Variants in SPTAN1 observed in about 807,000 individuals in gnomAD.
SPTAN1 encodes the protein spectrin alpha chain, non-erythrocytic 1.
Under a neutral mutation model 331.3 loss-of-function variants are expected in SPTAN1, and 61 were observed. The ratio of observed to expected loss-of-function variants is 0.18; its 90% CI spans 0.15 to 0.23. The LOEUF (loss-of-function observed/expected upper bound fraction) is 0.23. Ranked by LOEUF, SPTAN1 falls within the 10% of genes least tolerant of loss-of-function variation. The pLI is 1.00. For missense variants in SPTAN1, 2,043 were observed against 3,147.9 expected, an observed-to-expected ratio of 0.65 and a Z score of 8.40; for synonymous variants, 1,153 against 1,173.9, an observed-to-expected ratio of 0.98 and a Z score of 0.36.
At chr9:128,624,809 G>GCC in intron 46 of SPTAN1, 1 of 566,340 alleles carries the variant, frequency 1.8e-6, no homozygotes, top group Non-Finnish European at 3.2e-6. Flanking sequence ...GGTCAGGGGC[G>GCC]CCACCCAGCT....
Position 128,627,180 on chromosome 9 carries a change from G to A in SPTAN1, c.6577-206G>A, listed in dbSNP as rs755764317. 65 of 638,184 alleles carry A rather than the reference G, an allele frequency of 1.0e-4. No homozygotes were observed. Among genetic ancestry groups the A allele is most frequent in the South Asian group, 5.0e-4 (31 of 61,772 alleles). The allele number at this position is 638,184 out of a possible 1,614,324, so 39.5% of individuals were successfully genotyped here. ...TGACCAGTCGCTTCCCTCCAGGTCC[G>A]CCTCTTCCTTGAAGCCCCTGGGGGG... is the stretch of plus-strand genomic sequence containing the variant. On this transcript the variant is annotated intron_variant, in intron 49 of 56. Transcript: ENST00000372739. This position sits in a 1 kb window ranked among gnomAD's most constrained non-coding sequence, Gnocchi z 4.9.
At position 128,584,382 on chromosome 9, in the gene SPTAN1, G is replaced by A. The variant is rs1163379622; in HGVS notation, c.2294G>A (p.Arg765His). Residue 765 changes from arginine (R) to histidine (H), a missense_variant, in exon 17 of 57, where the codon CGC (arginine) becomes CAC (histidine). By Grantham distance (29) the Arg-to-His change is conservative. Transcript: ENST00000372739. ...AAGAAACAGGAAGCCCTCGTGGCTC[G>A]CTATGAGGCACTCAAGGAGCCCATG... ...IKKKQEALVA[R>H]YEALKEPMVA... 10 of 1,614,010 alleles carry A rather than the reference G, an allele frequency of 6.2e-6. No homozygotes were observed. Among genetic ancestry groups the A allele is most frequent in the Non-Finnish European group, 6.8e-6 (8 of 1,180,044 alleles).
chr9:128,627,823 T>TTTG lies in SPTAN1; in HGVS notation c.6690-99_6690-97dup. ...TGCGTTGGGTACTGATGTTCTTGCT[T>TTTG]TTGTTTTCCTTTCTTTCTTGTGTCT... On this transcript the variant is annotated intron_variant, in intron 50 of 56. Coordinates refer to ENST00000372739, the MANE Select transcript of SPTAN1 (RefSeq NM_001130438.3). This position sits in a 1 kb window ranked among gnomAD's most constrained non-coding sequence, Gnocchi z 4.9. 1.4e-6 allele frequency: 2 copies of TTTG among 1,452,788 alleles called. No individual in the cohort carries two copies. Among genetic ancestry groups the TTTG allele is most frequent in the Non-Finnish European group, 1.9e-6 (2 of 1,033,320 alleles). 90.0% of individuals were successfully genotyped at this position (1,452,788 alleles called of 1,614,324 possible).
At position 128,581,215 on chromosome 9, in the gene SPTAN1, C is replaced by T. The variant is rs181863978; in HGVS notation, c.1461+156C>T. Among the ~76,000 whole-genome samples, 84 of 152,318 alleles carry T rather than the reference C, an allele frequency of 5.5e-4. 2 individuals carry two copies. The highest frequency in any genetic ancestry group is 1.9e-3 in the African/African-American group (80 of 41,574). On this transcript the variant is annotated intron_variant, in intron 11 of 56. Coordinates refer to ENST00000372739, the MANE Select transcript of SPTAN1 (RefSeq NM_001130438.3). ...TTGAGCAAGCTTCTCTCAGCTCTGC[C>T]AGCATCTCTCCCTGCTGAGATTGCA...
rs1487983653 is a variant in SPTAN1 at position 128,632,493 on chromosome 9, A to G, written c.7013+9A>G. On this transcript the variant is annotated intron_variant, in intron 54 of 56. Transcript: ENST00000372739. The stretch of plus-strand genomic sequence containing the variant: ...TTCAGCATGATGTTTAAGTGAGTTC[A>G]GCCTTACTCGCCCTGGCTGGGTGGG... The G allele has an allele frequency of 2.5e-6, 4 of 1,614,208 alleles. No homozygotes were observed. The highest frequency in any genetic ancestry group is 1.7e-5 in the Admixed American group (1 of 60,028).
chr9:128,586,161 C>A (rs11790032), intron 19 of SPTAN1, among the ~76,000 whole-genome samples, 196 bp downstream of exon 19: 1 of 134,606 alleles, frequency 7.4e-6, no homozygotes, highest in Non-Finnish European at 1.5e-5. Flanking sequence ...CACTCTTGCC[C>A]AGGCTGGACT....
intron 51 of SPTAN1, chr9:128,630,090 C>A: frequency 1.4e-6 from 1 of 707,524 alleles, no homozygotes; most frequent in Non-Finnish European, 2.6e-6. Context: ...GTGGGCTCAG[C>A]CCTGGCCCAC....
At chr9:128,588,310 A>ATTTTTTTTT (rs386416287) in intron 20 of SPTAN1, among the ~76,000 whole-genome samples, 2 of 114,718 alleles carry the variant, frequency 1.7e-5, no homozygotes, top group African/African-American at 3.5e-5. Context: ...TTAAAATGAG[A>ATTTTTTTTT]TTTTTTTTTT....
intron 29 of SPTAN1, 108 bp downstream of exon 29, chr9:128,604,525 T>C: frequency 9.2e-7 from 1 of 1,090,926 alleles, no homozygotes; most frequent in Non-Finnish European, 1.3e-6. Context: ...TGGCTCTTAC[T>C]GATGTTTATT....
At chr9:128,584,981 C>T (rs1466062101) in intron 18 of SPTAN1, 138 bp downstream of exon 18, 1 of 987,162 alleles carries the variant, frequency 1.0e-6, no homozygotes, top group Non-Finnish European at 1.6e-6. Context: ...ACTGTATGAC[C>T]TGACCAGACC....
intron 5 of SPTAN1, among the ~76,000 whole-genome samples, chr9:128,576,576 T>A (rs910484499): frequency 5.9e-5 from 9 of 152,362 alleles, no homozygotes; most frequent in African/African-American, 2.2e-4. Flanking sequence ...TTTGGCACTT[T>A]TGCACATAAC....
At chr9:128,586,515 A>T (rs1261687277) in intron 19 of SPTAN1, among the ~76,000 whole-genome samples, 1 of 151,962 alleles carries the variant, frequency 6.6e-6, no homozygotes, top group Non-Finnish European at 1.5e-5. Context: ...AACCGTTAAC[A>T]TTTGTCACTC....
At chr9:128,558,118 C>G (rs1204333076) in intron 1 of SPTAN1, among the ~76,000 whole-genome samples, 1 of 152,064 alleles carries the variant, frequency 6.6e-6, no homozygotes, top group East Asian at 1.9e-4. Flanking sequence ...TTAGAAATTT[C>G]TAGCCAAGAT....
Position 128,633,634 on chromosome 9 carries a change from A to AAGAC in SPTAN1, c.*302_*305dup, listed in dbSNP as rs1260509330. On this transcript the variant is annotated 3_prime_UTR_variant, in exon 57 of 57. Transcript: ENST00000372739. Reference sequence around the variant, plus strand: ...CTCCCCCAAATCTGTTTTCATGTAAAAGACAAATAAATGATGACTTCCCCC... The same window carrying AAGAC: ...CTCCCCCAAATCTGTTTTCATGTAAAAGACAGACAAATAAATGATGACTTCCCCC... The AAGAC allele has an allele frequency of 1.4e-5, 19 of 1,345,698 alleles. No homozygotes were observed. The highest frequency in any genetic ancestry group is 2.3e-5 in the East Asian group (1 of 43,372). 83.4% of individuals were successfully genotyped at this position (1,345,698 alleles called of 1,614,324 possible).
intron 45 of SPTAN1, among the ~76,000 whole-genome samples, chr9:128,622,457 G>A (rs1858014582): frequency 6.6e-6 from 1 of 151,842 alleles, no homozygotes; most frequent in African/African-American, 2.4e-5. Context: ...GTGCCACTAT[G>A]CCCGGCTAAT....
chr9:128,625,270 G>T lies in SPTAN1; in HGVS notation c.6069+91G>T. On this transcript the variant is annotated intron_variant, in intron 47 of 56. Coordinates refer to ENST00000372739, the MANE Select transcript of SPTAN1 (RefSeq NM_001130438.3). The surrounding 1 kb of genome is among the most constrained non-coding windows in gnomAD (Gnocchi z 4.1). ...TCTTTCACTGAGGCATTTATCTTCT[G>T]TTAGCCCCTGGGGATCAGCAGGAAA... 2 of 1,300,900 alleles carry T rather than the reference G, an allele frequency of 1.5e-6. No homozygotes were observed. Among genetic ancestry groups the T allele is most frequent in the Non-Finnish European group, 2.2e-6 (2 of 906,016 alleles). 80.6% of individuals were successfully genotyped at this position (1,300,900 alleles called of 1,614,324 possible). A position where few individuals can be genotyped will look rare whatever the true frequency, so the allele number is the denominator to read the frequency against.
intron 1 of SPTAN1, chr9:128,555,308 C>T (rs887724052): frequency 4.8e-6 from 6 of 1,257,652 alleles, no homozygotes; most frequent in Non-Finnish European, 6.2e-6. Context: ...TCCGTTTGCC[C>T]TTAGAAGCTT....
rs1856648819 is a variant in SPTAN1, at chr9:128,612,253, C to T, written c.5043+7C>T. ...TGACTTCTGGCTGTCTGAGGTAACA[C>T]TGAGTGGTTCCTCTTCCTACCAGTG... On this transcript the variant is annotated splice_region_variant and intron_variant, in intron 39 of 56. Transcript: ENST00000372739. 6.2e-7 allele frequency: 1 copy of T among 1,614,060 alleles called. No individual in the cohort carries two copies. The highest frequency in any genetic ancestry group is 1.3e-5 in the African/African-American group (1 of 74,922).
chr9:128,552,620 C>G lies in SPTAN1; in HGVS notation c.-80C>G, dbSNP rs1046974827. Reference sequence around the variant, plus strand: ...CCGCTGCGGAGTGAACGGTGTGGAGCGGAGGCCGCGGAGGCTCCTCGGTCC... The same window carrying G: ...CCGCTGCGGAGTGAACGGTGTGGAGGGGAGGCCGCGGAGGCTCCTCGGTCC... On this transcript the variant is annotated 5_prime_UTR_variant, in exon 1 of 57. Coordinates refer to ENST00000372739, the MANE Select transcript of SPTAN1 (RefSeq NM_001130438.3). This position sits in a 1 kb window ranked among gnomAD's most constrained non-coding sequence, Gnocchi z 4.6. The G allele has an allele frequency of 1.3e-5, 2 of 151,588 alleles. No homozygotes were observed. Among genetic ancestry groups the G allele is most frequent in the African/African-American group, 2.4e-5 (1 of 41,292 alleles). 9.4% of individuals were successfully genotyped at this position (151,588 alleles called of 1,614,324 possible). A position where few individuals can be genotyped will look rare whatever the true frequency, so the allele number is the denominator to read the frequency against.
Sources: allele counts gnomAD v4.1 joint callset (sites outside exome capture counted in the v4.1 genomes callset), GRCh38; gene constraint gnomAD v4.1.1; non-coding constraint Gnocchi (gnomAD v3.1); transcripts MANE v1.5; gene names NCBI Gene and HGNC (gene_info 2026-07-23, HGNC 2026-07-21).